The following RGPD3 variants were observed in gnomAD, a reference collection of about 807,000 sequenced individuals.
RGPD3 encodes the protein ranBP2-like and GRIP domain-containing protein 3.
In RGPD3, 62 loss-of-function variants were observed where a neutral mutation model predicts 154.5. The observed-to-expected ratio is 0.40, with a 90% confidence interval of 0.33 to 0.50. The LOEUF (loss-of-function observed/expected upper bound fraction) is 0.50. Among genes scored for constraint, RGPD3 ranks in the 20% least tolerant of loss-of-function variants. RGPD3 has a pLI of 0.59. For synonymous variants in RGPD3, 308 were observed against 607.0 expected (o/e 0.51, Z 7.24); for missense variants, 919 against 1,716.8 (o/e 0.54, Z 8.21).
chr2:106,450,892 G>T (rs1158107815), intron 6 of RGPD3, among the ~76,000 whole-genome samples: 99 of 55,108 alleles, frequency 1.8e-3, no homozygotes, highest in African/African-American at 5.3e-3. Context: ...AAAAAAAAAA[G>T]AGAGATTGAG....
Position 106,424,963 on chromosome 2 carries a change from T to A in RGPD3, c.3004A>T (p.Lys1002Ter), listed in dbSNP as rs1394892523. The stretch of plus-strand genomic sequence containing the variant: ...TTACCGTATTGTGATGAGAATAATT[T>A]TTCTCCAGCACCTGAAAATCCCTTG... ...NFKGFSGAGE[K>*]LFSSQYGKMA... The change falls in exon 20 of 23, where the codon AAA becomes TAA. Residue 1002 changes from lysine to a stop codon, truncating the protein, a stop_gained. Transcript: ENST00000409886. LOFTEE classifies it high-confidence loss of function. 3 of 1,611,932 alleles carry A rather than the reference T, an allele frequency of 1.9e-6. No homozygotes were observed. Among genetic ancestry groups the A allele is most frequent in the Non-Finnish European group, 2.5e-6 (3 of 1,179,840 alleles).
chr2:106,410,543 G>C (rs1405504464), intron 22 of RGPD3, among the ~76,000 whole-genome samples: 5 of 152,236 alleles, frequency 3.3e-5, no homozygotes, highest in African/African-American at 1.2e-4. Context: ...TTAAAAGAGG[G>C]CTGTTAGACA....
chr2:106,407,258 A>G (rs1676543839), intron 22 of RGPD3, among the ~76,000 whole-genome samples: 1 of 152,078 alleles, frequency 6.6e-6, no homozygotes, highest in Admixed American at 6.6e-5. Context: ...CTAGCAAGAT[A>G]GAAGCCACAA....
At chr2:106,439,797 C>T (rs1375956180) in intron 8 of RGPD3, among the ~76,000 whole-genome samples, 7 of 87,606 alleles carry the variant, frequency 8.0e-5, no homozygotes, top group Non-Finnish European at 1.6e-4. Flanking sequence ...ACCCGGGAGG[C>T]GGAGCTTGCA....
In RGPD3 at chr2:106,425,145, A is replaced by G. The variant is rs762117457; in HGVS notation, c.2822T>C (p.Leu941Pro). The change falls in exon 20 of 23, where the codon CTT becomes CCT. Residue 941 changes from leucine (L) to proline (P), a missense_variant. Transcript: ENST00000409886. Reference protein sequence around the residue: ...GNQEKKSEKPLENDTGLQAQD... With the variant: ...GNQEKKSEKPPENDTGLQAQD... Reference sequence around the variant, plus strand: ...AGCCTGTAAGCCAGTATCATTTTCAAGAGGCTTTTCACTTTTCTTTTCTTG... The same window carrying G: ...AGCCTGTAAGCCAGTATCATTTTCAGGAGGCTTTTCACTTTTCTTTTCTTG... The G allele has an allele frequency of 6.2e-7, 1 of 1,611,838 alleles. No individual in the cohort carries two copies.
At chr2:106,438,103 T>C (rs1187136048) in intron 9 of RGPD3, among the ~76,000 whole-genome samples, 1 of 151,582 alleles carries the variant, frequency 6.6e-6, no homozygotes, top group Non-Finnish European at 1.5e-5. Context: ...AATTTTTGTA[T>C]TTTTAGTAGA....
intron 1 of RGPD3, among the ~76,000 whole-genome samples, chr2:106,460,464 A>C (rs1017286651): frequency 7.4e-6 from 1 of 135,700 alleles, no homozygotes; most frequent in African/African-American, 2.8e-5. Context: ...AAGGAGTCAA[A>C]AAGGCAGAAA....
rs778281846 is a variant in RGPD3 at position 106,468,318 on chromosome 2, T to A, written c.-30A>T. ...CCACCAACCTGGCTCCCGAGATGCGTGAGACCAGCGCTCAGCCCCGCAGCA... is the reference window on the plus strand; with the variant it reads ...CCACCAACCTGGCTCCCGAGATGCGAGAGACCAGCGCTCAGCCCCGCAGCA... On this transcript the variant is annotated 5_prime_UTR_variant, in exon 1 of 23. Transcript: ENST00000409886. 32 of 1,590,058 alleles carry A rather than the reference T, an allele frequency of 2.0e-5. No homozygotes were observed. The African/African-American group carries it at 2.6e-4, about 13-fold the overall frequency.
intron 17 of RGPD3, among the ~76,000 whole-genome samples, chr2:106,431,606 C>A (rs1573263650): frequency 6.6e-6 from 1 of 150,690 alleles, no homozygotes; most frequent in East Asian, 2.0e-4. Flanking sequence ...TGTCATAGGC[C>A]ATGACTACAC....
intron 9 of RGPD3, among the ~76,000 whole-genome samples, chr2:106,438,649 G>T (rs1372830406): frequency 6.6e-6 from 1 of 152,058 alleles, no homozygotes; most frequent in Non-Finnish European, 1.5e-5. Context: ...CGGGCGTGGT[G>T]GTGGGCATTT....
chr2:106,459,008 A>G (rs1163997500), intron 2 of RGPD3, among the ~76,000 whole-genome samples: 1 of 145,490 alleles, frequency 6.9e-6, no homozygotes, highest in East Asian at 2.6e-4. Context: ...AACAGAAGAC[A>G]ATTTTTAGAA....
chr2:106,415,316 TTCTAAA>T (rs1676791342), intron 21 of RGPD3, among the ~76,000 whole-genome samples: 1 of 151,774 alleles, frequency 6.6e-6, no homozygotes, highest in East Asian at 1.9e-4. Flanking sequence ...TCTCTCTAGT[TTCTAAA>T]TCTATTACGG....
At chr2:106,417,586 G>T (rs1192300217) in intron 20 of RGPD3, among the ~76,000 whole-genome samples, 1 of 149,716 alleles carries the variant, frequency 6.7e-6, no homozygotes, top group Non-Finnish European at 1.5e-5. Context: ...CTCTTCCCGG[G>T]TTACAGTGTG....
intron 1 of RGPD3, among the ~76,000 whole-genome samples, chr2:106,466,043 G>A (rs1678567685): frequency 6.6e-6 from 1 of 151,826 alleles, no homozygotes; most frequent in African/African-American, 2.4e-5. Context: ...TCCAGGAGAT[G>A]GGAAGAAACC....
In RGPD3 at chr2:106,434,079, C is replaced by A. The variant is rs568439951; in HGVS notation, c.2205+149G>T. On this transcript the variant is annotated intron_variant, in intron 15 of 22. Coordinates refer to ENST00000409886, the MANE Select transcript of RGPD3 (RefSeq NM_001144013.2). ...CAAACCTAAGACAAAGCAAGCAAAT[C>A]TAAGCATTTAGACACACACATCCCT... 6.5e-4 allele frequency: 644 copies of A among 985,922 alleles called. 2 individuals are homozygous for A. The highest frequency in any genetic ancestry group is 8.7e-4 in the Non-Finnish European group (592 of 684,100). 61.1% of individuals were successfully genotyped at this position (985,922 alleles called of 1,614,324 possible). A position where few individuals can be genotyped will look rare whatever the true frequency, so the allele number is the denominator to read the frequency against.
At chr2:106,467,872 G>C (rs1445488823) in intron 1 of RGPD3, among the ~76,000 whole-genome samples, 6 of 139,130 alleles carry the variant, frequency 4.3e-5, no homozygotes, top group Admixed American at 4.2e-4. Flanking sequence ...CTGAGCCATC[G>C]AGGCCGCCGC....
At chr2:106,412,314 T>G (rs1405683322) in intron 22 of RGPD3, among the ~76,000 whole-genome samples, 5 of 103,716 alleles carry the variant, frequency 4.8e-5, no homozygotes, top group Admixed American at 1.1e-4. Context: ...TTTTTTTTTT[T>G]TTTTTTTTTT....
At position 106,413,177 on chromosome 2, in the gene RGPD3, G is replaced by T; in HGVS notation, c.5173C>A (p.Pro1725Thr). The change falls in exon 22 of 23, where the codon CCA becomes ACA. Residue 1725 changes from proline to threonine, a missense_variant. By Grantham distance (38) the Pro-to-Thr change is conservative (BLOSUM62 -1). Coordinates refer to ENST00000409886, the MANE Select transcript of RGPD3 (RefSeq NM_001144013.2). ...NVLLQFIFLKPGSERERLLPV... is the reference protein window; with the variant it reads ...NVLLQFIFLKTGSERERLLPV... Reference sequence around the variant, plus strand: ...AGAAGTCTCTCTCTTTCACTACCTGGCTTCAAGAAAATGAACTGCAGCAAG... The same window carrying T: ...AGAAGTCTCTCTCTTTCACTACCTGTCTTCAAGAAAATGAACTGCAGCAAG... 6.2e-7 allele frequency: 1 copy of T among 1,611,832 alleles called. No individual in the cohort carries two copies. The highest frequency in any genetic ancestry group is 8.5e-7 in the Non-Finnish European group (1 of 1,179,844).
rs559284714 is a variant in RGPD3 at position 106,468,259 on chromosome 2, C to T, written c.30G>A (p.Arg10=). 1.9e-6 allele frequency: 3 copies of T among 1,607,972 alleles called. No homozygotes were observed. Among genetic ancestry groups the T allele is most frequent in the Non-Finnish European group, 2.5e-6 (3 of 1,178,332 alleles). The change falls in exon 1 of 23, where the codon CGG becomes CGA. Residue 10 remains arginine, a synonymous_variant. Coordinates refer to ENST00000409886, the MANE Select transcript of RGPD3 (RefSeq NM_001144013.2). The part of the protein sequence containing the change: MSCSKAYGE[R]YVASVQGSAP... ...CGGAGCCCTGCACCGAGGCGACGTA[C>T]CGCTCCCCGTAGGCCTTGCTGCAAC...
Sources: gnomAD v4.1 joint callset for allele counts (sites outside exome capture counted in the v4.1 genomes callset) on GRCh38, gnomAD v4.1.1 for gene constraint, MANE v1.5 for transcripts, NCBI Gene and HGNC (gene_info 2026-07-23, HGNC 2026-07-21) for gene names.